Variants in HDC observed in about 807,000 individuals in gnomAD.
HDC encodes histidine decarboxylase.
In HDC, 27 loss-of-function variants were observed where a neutral mutation model predicts 64.4. The ratio of observed to expected loss-of-function variants is 0.42; its 90% CI spans 0.31 to 0.58. The LOEUF (loss-of-function observed/expected upper bound fraction) is 0.58, where lower values mean the gene tolerates loss of function less well. HDC is among the 20% of genes least tolerant of loss of function. The pLI, the probability that HDC is intolerant of heterozygous loss-of-function variation, is 0.16. For missense variants in HDC, 711 were observed against 833.9 expected, an observed-to-expected ratio of 0.85 and a Z score of 1.81; for synonymous variants, 305 against 314.2, an observed-to-expected ratio of 0.97 and a Z score of 0.31.
intron 5 of HDC, 81 bp from the exon 6 acceptor site, chr15:50,254,354 G>A (rs558963034): frequency 1.2e-5 from 19 of 1,573,780 alleles, no homozygotes; most frequent in African/African-American, 5.4e-5. Flanking sequence ...CCTAAGACTC[G>A]GGAACCAAAT....
intron 4 of HDC, among the ~76,000 whole-genome samples, chr15:50,256,297 T>C (rs2045630459): frequency 6.6e-6 from 1 of 152,232 alleles, no homozygotes; most frequent in Non-Finnish European, 1.5e-5. Context: ...GTTCAGATTT[T>C]AATCTTGCTG....
Position 50,265,587 on chromosome 15 carries a change from G to T in HDC, c.31+6C>A. Reference sequence around the variant, plus strand: ...GGGAAGAGGGCCAGGGATGCCCGTTGCTCACCTCTCTCTCTGTACTCCTCA... The same window carrying T: ...GGGAAGAGGGCCAGGGATGCCCGTTTCTCACCTCTCTCTCTGTACTCCTCA... On this transcript the variant is annotated splice_donor_region_variant and intron_variant, in intron 1 of 11. Transcript: ENST00000267845. 2.5e-6 allele frequency: 4 copies of T among 1,613,518 alleles called. No individual in the cohort carries two copies. Among genetic ancestry groups the T allele is most frequent in the South Asian group, 1.1e-5 (1 of 91,066 alleles).
intron 10 of HDC, among the ~76,000 whole-genome samples, chr15:50,247,085 A>C (rs1027411678): frequency 6.6e-6 from 1 of 152,230 alleles, no homozygotes; most frequent in African/African-American, 2.4e-5. Flanking sequence ...GATGGTTGGC[A>C]GAGGCTGGGA....
rs1195286876 is a variant in HDC, at chr15:50,242,226, G to A, written c.*34C>T. 10 of 1,568,966 alleles carry A rather than the reference G, an allele frequency of 6.4e-6. No homozygotes were observed. Among genetic ancestry groups the A allele is most frequent in the East Asian group, 2.2e-5 (1 of 44,646 alleles). On this transcript the variant is annotated 3_prime_UTR_variant, in exon 12 of 12. Coordinates refer to ENST00000267845, the MANE Select transcript of HDC (RefSeq NM_002112.4). ...GTGAGGGGTTCACAGAGTCCCTGAA[G>A]TATATCCTCAGACTCTGGCTGAAGG...
chr15:50,246,723 C>G (rs1217108241), intron 10 of HDC, among the ~76,000 whole-genome samples: 2 of 152,162 alleles, frequency 1.3e-5, no homozygotes, highest in African/African-American at 4.8e-5. Flanking sequence ...TAGTCAGGAT[C>G]TGCACATTGA....
chr15:50,253,066 C>T (rs2045580139), intron 7 of HDC: 4 of 495,736 alleles, frequency 8.1e-6, no homozygotes, highest in South Asian at 2.1e-5. Context: ...GCACAGAAAT[C>T]AATTTCCCAC....
intron 9 of HDC, among the ~76,000 whole-genome samples, chr15:50,249,141 A>G (rs1209209711): frequency 6.6e-6 from 1 of 152,228 alleles, no homozygotes; most frequent in Admixed American, 6.5e-5. Flanking sequence ...TGCCGCTGTT[A>G]GATGAAAATT....
At chr15:50,263,947 C>T (rs1022380429) in intron 1 of HDC, among the ~76,000 whole-genome samples, 3 of 152,174 alleles carry the variant, frequency 2.0e-5, no homozygotes, top group Non-Finnish European at 2.9e-5. Context: ...AAAACTCTAG[C>T]GCCAAAGTGA....
At chr15:50,257,605 C>A in intron 3 of HDC, 58 bp from the exon 4 acceptor site, 4 of 1,599,338 alleles carry the variant, frequency 2.5e-6, no homozygotes, top group Non-Finnish European at 3.4e-6. Flanking sequence ...GGTGCCCCCA[C>A]GAGCTCCAGA....
intron 2 of HDC, among the ~76,000 whole-genome samples, chr15:50,260,249 C>T (rs1315120055): frequency 6.6e-6 from 1 of 152,034 alleles, no homozygotes; most frequent in Non-Finnish European, 1.5e-5. Flanking sequence ...TCTCGAACTC[C>T]TGACCTCATG....
chr15:50,251,767 G>A (rs1448374026), intron 9 of HDC, among the ~76,000 whole-genome samples: 1 of 152,068 alleles, frequency 6.6e-6, no homozygotes, highest in Non-Finnish European at 1.5e-5. Context: ...GGAAGGCGGA[G>A]GTTGCAGTGA....
chr15:50,261,427 T>C (rs2045700978), intron 2 of HDC, among the ~76,000 whole-genome samples: 1 of 152,070 alleles, frequency 6.6e-6, no homozygotes, highest in South Asian at 2.1e-4. Flanking sequence ...GATATTGACA[T>C]TTTCAAAAAA....
intron 4 of HDC, 123 bp downstream of exon 4, chr15:50,257,302 T>A: frequency 8.4e-7 from 1 of 1,186,928 alleles, no homozygotes; most frequent in Non-Finnish European, 1.2e-6. Flanking sequence ...GTGCTGTTGG[T>A]GATGACGGTG....
Position 50,243,218 on chromosome 15 carries a change from T to C in HDC, c.1167A>G (p.Glu389=). 6.2e-7 allele frequency: 1 copy of C among 1,613,316 alleles called. No individual in the cohort carries two copies. Among genetic ancestry groups the C allele is most frequent in the South Asian group, 1.1e-5 (1 of 91,066 alleles). Residue 389 remains glutamate (E), a synonymous_variant, in exon 11 of 12, where the codon GAA becomes GAG. Coordinates refer to ENST00000267845, the MANE Select transcript of HDC (RefSeq NM_002112.4). The stretch of plus-strand genomic sequence containing the variant: ...AGGAAGGGTCGTTTCTGACCAGAGA[T>C]TCAAAATATTTAGCCATTTCAGTAC... ...RHGTEMAKYF[E]SLVRNDPSFE...
chr15:50,258,200 A>G (rs577411542), intron 3 of HDC, among the ~76,000 whole-genome samples: 1 of 152,340 alleles, frequency 6.6e-6, no homozygotes, highest in East Asian at 1.9e-4. Context: ...TTCTTCACCT[A>G]CAAAATGGGA....
At position 50,243,347 on chromosome 15, in the gene HDC, G is replaced by A. The variant is rs550686893; in HGVS notation, c.1141-103C>T. On this transcript the variant is annotated intron_variant, in intron 10 of 11. Coordinates refer to ENST00000267845, the MANE Select transcript of HDC (RefSeq NM_002112.4). ...GGTTTTAAACCAGGGCCATCTTCCCGTCACAGCCGTTGTAAGCGGCTTCTG... is the reference window on the plus strand; with the variant it reads ...GGTTTTAAACCAGGGCCATCTTCCCATCACAGCCGTTGTAAGCGGCTTCTG... The A allele has an allele frequency of 1.1e-4, 85 of 807,142 alleles. 1 individual carries two copies. The Admixed American group carries it at 1.4e-3, about 13-fold the overall frequency. 50.0% of individuals were successfully genotyped at this position (807,142 alleles called of 1,614,324 possible).
At chr15:50,265,074 G>C (rs537101854) in intron 1 of HDC, among the ~76,000 whole-genome samples, 10 of 152,318 alleles carry the variant, frequency 6.6e-5, no homozygotes, top group Admixed American at 1.3e-4. Context: ...TGCTAAGGGA[G>C]ATCCATGCCT....
Position 50,248,383 on chromosome 15 carries a change from G to T in HDC, c.1042-40C>A. 1 of 1,444,826 alleles carries T rather than the reference G, an allele frequency of 6.9e-7. No individual in the cohort carries two copies. The highest frequency in any genetic ancestry group is 9.7e-7 in the Non-Finnish European group (1 of 1,027,476). The allele number at this position is 1,444,826 out of a possible 1,614,324, so 89.5% of individuals were successfully genotyped here. On this transcript the variant is annotated intron_variant, in intron 9 of 11. Transcript: ENST00000267845. The surrounding 1 kb of genome is among the most constrained non-coding windows in gnomAD (Gnocchi z 4.3). Reference sequence around the variant, plus strand: ...ACACAGTGCCCAAGGTTAGAGACAAGGGTGCCCCACTCCCTCGGGCATTTC... The same window carrying T: ...ACACAGTGCCCAAGGTTAGAGACAATGGTGCCCCACTCCCTCGGGCATTTC...
At chr15:50,254,328 C>G (rs1259271254) in intron 5 of HDC, 55 bp from the exon 6 acceptor site, 8 of 1,604,862 alleles carry the variant, frequency 5.0e-6, no homozygotes, top group South Asian at 3.3e-5. Flanking sequence ...TGATCACCCC[C>G]CAGAAACTGC....
Sources: allele counts gnomAD v4.1 joint callset (sites outside exome capture counted in the v4.1 genomes callset), GRCh38; gene constraint gnomAD v4.1.1; non-coding constraint Gnocchi (gnomAD v3.1); transcripts MANE v1.5; gene names NCBI Gene and HGNC (gene_info 2026-07-23, HGNC 2026-07-21).